The following B3GALT1 variants were observed in gnomAD, a reference collection of about 807,000 sequenced individuals.
B3GALT1 encodes beta-1,3-galactosyltransferase 1.
B3GALT1 carries 10 observed loss-of-function variants against 23.2 expected under a neutral mutation model. The ratio of observed to expected loss-of-function variants is 0.43; its 90% CI spans 0.27 to 0.73. B3GALT1 has a LOEUF of 0.73. B3GALT1 is among the 30% of genes least tolerant of loss of function. The pLI is 0.21. For missense variants in B3GALT1, 299 were observed against 405.4 expected (o/e 0.74, Z 2.25); for synonymous variants, 156 against 141.5 (o/e 1.10, Z -0.73).
chr2:167,384,504 A>G (rs1033256855), intron 1 of B3GALT1, among the ~76,000 whole-genome samples: 2 of 152,108 alleles, frequency 1.3e-5, no homozygotes, highest in African/African-American at 4.8e-5. Context: ...TTCCTCACAC[A>G]TACTTCCTAT....
chr2:167,296,309 C>T (rs545071613), intron 1 of B3GALT1, among the ~76,000 whole-genome samples: 2 of 152,218 alleles, frequency 1.3e-5, no homozygotes, highest in African/African-American at 4.8e-5. Context: ...CAGATAGTCA[C>T]GATTAGTGTT....
intron 1 of B3GALT1, among the ~76,000 whole-genome samples, chr2:167,378,694 A>G (rs895769349): frequency 8.6e-5 from 13 of 151,946 alleles, no homozygotes; most frequent in African/African-American, 2.9e-4. Flanking sequence ...TCTTTTAAAG[A>G]TATCTATTTC....
chr2:167,841,061 A>G (rs1321607015), intron 4 of B3GALT1, among the ~76,000 whole-genome samples: 2 of 150,426 alleles, frequency 1.3e-5, no homozygotes, highest in Admixed American at 6.6e-5. Flanking sequence ...GCATTGGGAG[A>G]TATACCTAAT....
At chr2:167,654,110 C>A (rs754664391) in intron 3 of B3GALT1, among the ~76,000 whole-genome samples, 2 of 152,100 alleles carry the variant, frequency 1.3e-5, no homozygotes, top group Non-Finnish European at 2.9e-5. Context: ...CAGGCTTCAG[C>A]GCTTATTACA....
intron 2 of B3GALT1, among the ~76,000 whole-genome samples, chr2:167,522,540 T>C (rs1357429319): frequency 4.6e-5 from 7 of 152,204 alleles, no homozygotes; most frequent in African/African-American, 1.7e-4. Context: ...CATGTTGGGC[T>C]AAATTTTCTC....
intron 2 of B3GALT1, among the ~76,000 whole-genome samples, chr2:167,512,690 G>A (rs1038841088): frequency 6.9e-6 from 1 of 145,190 alleles, no homozygotes; most frequent in Non-Finnish European, 1.5e-5. Context: ...AGGTTGGAGT[G>A]CAGTGATGCC....
At chr2:167,747,381 A>G (rs978864927) in intron 3 of B3GALT1, among the ~76,000 whole-genome samples, 2 of 152,218 alleles carry the variant, frequency 1.3e-5, no homozygotes, top group Non-Finnish European at 2.9e-5. Flanking sequence ...ATTCATTAAC[A>G]TCATACAACT....
At chr2:167,825,769 C>G (rs1689209946) in intron 4 of B3GALT1, among the ~76,000 whole-genome samples, 1 of 152,150 alleles carries the variant, frequency 6.6e-6, no homozygotes, top group South Asian at 2.1e-4. Flanking sequence ...CGGGCTTGGG[C>G]AGGGAGTCTG....
intron 1 of B3GALT1, among the ~76,000 whole-genome samples, chr2:167,345,376 A>G (rs576170786): frequency 2.0e-5 from 3 of 152,220 alleles, no homozygotes; most frequent in Middle Eastern, 3.4e-3. Context: ...TGACCACCCT[A>G]AAAAAAGATA....
At chr2:167,356,941 T>C (rs1318003211) in intron 1 of B3GALT1, among the ~76,000 whole-genome samples, 1 of 152,062 alleles carries the variant, frequency 6.6e-6, no homozygotes, top group Non-Finnish European at 1.5e-5. Flanking sequence ...GAGGAAATTG[T>C]AAAAATGTAT....
At chr2:167,575,453 A>G (rs568294862) in intron 2 of B3GALT1, among the ~76,000 whole-genome samples, 2 of 151,912 alleles carry the variant, frequency 1.3e-5, no homozygotes, top group East Asian at 1.9e-4. Context: ...ATCATTCATA[A>G]TAATGTTCAT....
chr2:167,558,744 G>A (rs1030979051), intron 2 of B3GALT1, among the ~76,000 whole-genome samples: 5 of 152,200 alleles, frequency 3.3e-5, no homozygotes, highest in African/African-American at 9.7e-5. Context: ...AGGTGGCAGC[G>A]AGGCTGGGGG....
chr2:167,677,647 G>A (rs1686450977), intron 3 of B3GALT1, among the ~76,000 whole-genome samples: 1 of 152,148 alleles, frequency 6.6e-6, no homozygotes, highest in African/African-American at 2.4e-5. Flanking sequence ...TTCACCAAGT[G>A]CCTCAGAATG....
chr2:167,615,311 A>T (rs1685141311), intron 2 of B3GALT1, among the ~76,000 whole-genome samples: 1 of 151,746 alleles, frequency 6.6e-6, no homozygotes, highest in African/African-American at 2.4e-5. Flanking sequence ...GATCTCGCTT[A>T]TATGTAGAAC....
At chr2:167,714,288 A>C in intron 3 of B3GALT1, 1 of 1,500,518 alleles carries the variant, frequency 6.7e-7, no homozygotes, top group Non-Finnish European at 9.3e-7. Context: ...GATGAGAGGG[A>C]CCCAGTGTCA....
At chr2:167,680,805 T>C (rs2105492492) in intron 3 of B3GALT1, among the ~76,000 whole-genome samples, 1 of 152,240 alleles carries the variant, frequency 6.6e-6, no homozygotes, top group Admixed American at 6.5e-5. Context: ...ACTGAAACCA[T>C]TAAGAAATTT....
chr2:167,572,734 T>G (rs1185647663), intron 2 of B3GALT1, among the ~76,000 whole-genome samples: 1 of 151,724 alleles, frequency 6.6e-6, no homozygotes, highest in African/African-American at 2.4e-5. Flanking sequence ...ATTTGGTAGG[T>G]GACCTAGCTC....
rs373502201 is a variant in B3GALT1, at chr2:167,324,260, T to C, written c.-511+30926T>C. 2.4e-4 allele frequency among the ~76,000 whole-genome samples: 37 copies of C among 152,180 alleles called. 1 individual carries two copies. The South Asian group carries it at 7.4e-3, about 31-fold the overall frequency. On this transcript the variant is annotated intron_variant, in intron 1 of 4. Transcript: ENST00000392690. Reference sequence around the variant, plus strand: ...ACATACAGTTCTTTTTTCTTTTTTATTAGCTTAATAGTTGAAATTTATAAT... The same window carrying C: ...ACATACAGTTCTTTTTTCTTTTTTACTAGCTTAATAGTTGAAATTTATAAT...
At chr2:167,820,102 A>G (rs1385129600) in intron 4 of B3GALT1, among the ~76,000 whole-genome samples, 1 of 152,222 alleles carries the variant, frequency 6.6e-6, no homozygotes, top group East Asian at 1.9e-4. Flanking sequence ...TTTTAAATAT[A>G]TGAAGCCGAT....
Sources: allele counts gnomAD v4.1 joint callset (sites outside exome capture counted in the v4.1 genomes callset), GRCh38; gene constraint gnomAD v4.1.1; transcripts MANE v1.5; gene names NCBI Gene and HGNC (gene_info 2026-07-23, HGNC 2026-07-21).